Variants in TBC1D22A observed in about 807,000 individuals in gnomAD.
TBC1D22A encodes putative GTPase activator.
TBC1D22A carries 38 observed loss-of-function variants against 60.2 expected under a neutral mutation model. The ratio of observed to expected loss-of-function variants is 0.63; its 90% CI spans 0.49 to 0.83. The LOEUF (loss-of-function observed/expected upper bound fraction) is 0.83, where lower values mean the gene tolerates loss of function less well. Among genes scored for constraint, TBC1D22A ranks in the 40% least tolerant of loss-of-function variants. TBC1D22A has a pLI of 0.00. For synonymous variants in TBC1D22A, 302 were observed against 281.7 expected (o/e 1.07, Z -0.72); for missense variants, 628 against 701.0 (o/e 0.90, Z 1.18).
chr22:47,159,193 A>G (rs1211532627), intron 12 of TBC1D22A, among the ~76,000 whole-genome samples: 1 of 150,638 alleles, frequency 6.6e-6, no homozygotes, highest in Non-Finnish European at 1.5e-5. Flanking sequence ...AACACACACC[A>G]CGCACACACA....
chr22:47,082,227 A>G (rs1035660322), intron 11 of TBC1D22A, among the ~76,000 whole-genome samples: 5 of 152,190 alleles, frequency 3.3e-5, no homozygotes, highest in African/African-American at 1.2e-4. Context: ...TCAGATTCCT[A>G]CTAACCTTTA....
At chr22:46,946,503 A>G (rs192075087) in intron 8 of TBC1D22A, among the ~76,000 whole-genome samples, 1 of 152,114 alleles carries the variant, frequency 6.6e-6, no homozygotes, top group African/African-American at 2.4e-5. Context: ...GGCCAGCCAG[A>G]TGGAGAGTAG....
At chr22:46,906,862 C>T (rs1203721033) in intron 7 of TBC1D22A, among the ~76,000 whole-genome samples, 1 of 150,848 alleles carries the variant, frequency 6.6e-6, no homozygotes, top group Non-Finnish European at 1.5e-5. Flanking sequence ...GCACTTGTGC[C>T]TCTGTGTGTG....
At chr22:46,905,255 A>C (rs541083803) in intron 7 of TBC1D22A, among the ~76,000 whole-genome samples, 41 of 152,332 alleles carry the variant, frequency 2.7e-4, no homozygotes, top group African/African-American at 9.6e-4. Flanking sequence ...GATTCAAGAC[A>C]AAAGATAAAA....
At chr22:46,855,757 C>A (rs2087535532) in intron 4 of TBC1D22A, among the ~76,000 whole-genome samples, 1 of 152,190 alleles carries the variant, frequency 6.6e-6, no homozygotes, top group Non-Finnish European at 1.5e-5. Context: ...ATGGTCAGTT[C>A]TTGACTGTCA....
intron 5 of TBC1D22A, among the ~76,000 whole-genome samples, chr22:46,890,618 C>G (rs1299938157): frequency 6.6e-6 from 1 of 152,042 alleles, no homozygotes; most frequent in African/African-American, 2.4e-5. Context: ...AAAGTAGAAA[C>G]AAGGCAACAG....
chr22:46,809,808 G>A (rs1254168882), intron 4 of TBC1D22A, among the ~76,000 whole-genome samples: 6 of 151,994 alleles, frequency 3.9e-5, no homozygotes, highest in Admixed American at 6.5e-5. Context: ...TCTTACCGTC[G>A]TTTTCCTGTG....
At chr22:47,114,945 A>G (rs2065977761) in intron 12 of TBC1D22A, among the ~76,000 whole-genome samples, 1 of 150,508 alleles carries the variant, frequency 6.6e-6, no homozygotes, top group African/African-American at 2.4e-5. Context: ...TTGGCCTTTG[A>G]GCCTCATGCG....
At chr22:47,061,093 C>T (rs140004600) in intron 11 of TBC1D22A, among the ~76,000 whole-genome samples, 3,366 of 150,896 alleles carry the variant, frequency 0.022, 47 homozygotes, top group Non-Finnish European at 0.034. Context: ...GGTTGAGCCA[C>T]GCTGTCTTCC....
chr22:46,964,334 G>T (rs2073693448), intron 8 of TBC1D22A, among the ~76,000 whole-genome samples: 2 of 151,720 alleles, frequency 1.3e-5, no homozygotes, highest in South Asian at 4.1e-4. Context: ...TGGGCATGTG[G>T]AGGCCCCTCT....
At chr22:46,833,599 C>T (rs552975500) in intron 4 of TBC1D22A, among the ~76,000 whole-genome samples, 4 of 151,980 alleles carry the variant, frequency 2.6e-5, no homozygotes, top group Admixed American at 2.0e-4. Context: ...TGAGAAAGGA[C>T]GAATATTCAA....
intron 10 of TBC1D22A, among the ~76,000 whole-genome samples, chr22:47,025,448 C>T (rs1305336499): frequency 6.6e-6 from 1 of 152,150 alleles, no homozygotes; most frequent in Non-Finnish European, 1.5e-5. Context: ...TAGCAAGATA[C>T]CTGGGAAATC....
intron 12 of TBC1D22A, among the ~76,000 whole-genome samples, chr22:47,123,528 C>T (rs367650838): frequency 3.3e-5 from 5 of 152,282 alleles, no homozygotes; most frequent in East Asian, 1.9e-4. Flanking sequence ...TTAGTGAGTC[C>T]GTCAGGCCTC....
intron 12 of TBC1D22A, among the ~76,000 whole-genome samples, chr22:47,172,908 G>A (rs531662323): frequency 3.9e-5 from 6 of 152,366 alleles, no homozygotes; most frequent in South Asian, 2.1e-4. Flanking sequence ...AGCCGGCTCC[G>A]TTCTGTGATC....
intron 4 of TBC1D22A, among the ~76,000 whole-genome samples, chr22:46,799,721 G>T (rs1208781868): frequency 6.6e-6 from 1 of 152,228 alleles, no homozygotes; most frequent in Non-Finnish European, 1.5e-5. Flanking sequence ...CAGTGATTTT[G>T]TGGGATGTCC....
intron 11 of TBC1D22A, among the ~76,000 whole-genome samples, chr22:47,049,712 CT>C (rs2063147060): frequency 6.6e-6 from 1 of 152,156 alleles, no homozygotes; most frequent in African/African-American, 2.4e-5. Flanking sequence ...ATAATGCTTT[CT>C]GTGTTAGTTT....
Position 47,099,823 on chromosome 22 carries a change from A to G in TBC1D22A, c.1330-11685A>G, listed in dbSNP as rs377515829. On this transcript the variant is annotated intron_variant, in intron 11 of 12. Transcript: ENST00000337137. ...CATGGCCCATTCTGTGTTCCACACC[A>G]CCCTCCAGGGTGCCTCACACAGCCA... Among the ~76,000 whole-genome samples, 16 of 151,856 alleles carry G rather than the reference A, an allele frequency of 1.1e-4. No homozygotes were observed. In the East Asian group the frequency reaches 1.9e-3, roughly 18 times the overall value.
intron 12 of TBC1D22A, among the ~76,000 whole-genome samples, chr22:47,145,791 T>C (rs1342581773): frequency 1.3e-5 from 2 of 152,260 alleles, no homozygotes; most frequent in Admixed American, 1.3e-4. Context: ...TTCCACATTG[T>C]GTAACCTTCA....
rs540730767 is a variant in TBC1D22A, at chr22:46,859,000, C to T, written c.638-19653C>T. 4.7e-5 allele frequency among the ~76,000 whole-genome samples: 6 copies of T among 127,094 alleles called. No individual in the cohort carries two copies. The East Asian group carries it at 6.8e-4, about 14-fold the overall frequency. The allele number at this position is 127,094 out of a possible 152,430, so 83.4% of individuals were successfully genotyped here. On this transcript the variant is annotated intron_variant, in intron 4 of 12. Coordinates refer to ENST00000337137, the MANE Select transcript of TBC1D22A (RefSeq NM_014346.5). The stretch of plus-strand genomic sequence containing the variant: ...GTCTGTGTAGTGCTGTGCCCCTTCC[C>T]GGGACCAGAATCCTTTTCGATAGAG...
Sources: allele counts gnomAD v4.1 joint callset (sites outside exome capture counted in the v4.1 genomes callset), GRCh38; gene constraint gnomAD v4.1.1; transcripts MANE v1.5; gene names NCBI Gene and HGNC (gene_info 2026-07-23, HGNC 2026-07-21).